The following BSDC1 variants were observed in gnomAD, a reference collection of about 807,000 sequenced individuals.
BSDC1 encodes BSD domain-containing protein 1.
A neutral mutation model predicts 56.0 loss-of-function variants in BSDC1; 29 were observed. That is an observed-to-expected ratio of 0.52 (90% confidence interval 0.39 to 0.71). The LOEUF is 0.71. Among genes scored for constraint, BSDC1 ranks in the 30% least tolerant of loss-of-function variants. BSDC1 has a pLI of 0.00. For synonymous variants in BSDC1, 210 were observed against 215.3 expected, an observed-to-expected ratio of 0.98 and a Z score of 0.21; for missense variants, 477 against 548.5, an observed-to-expected ratio of 0.87 and a Z score of 1.30.
chr1:32,394,384 G>T lies in BSDC1; in HGVS notation c.11+20C>A, dbSNP rs775462686. On this transcript the variant is annotated intron_variant, in intron 1 of 10. Coordinates refer to ENST00000455895, the MANE Select transcript of BSDC1 (RefSeq NM_018045.8). ...GGAGAATTCAGGCCCCAACGCCTAG[G>T]AGCAAAACGACAAGCTCACCCTTCC... 6 of 1,614,016 alleles carry T rather than the reference G, an allele frequency of 3.7e-6. No homozygotes were observed. Among genetic ancestry groups the T allele is most frequent in the Non-Finnish European group, 5.1e-6 (6 of 1,180,010 alleles).
Position 32,376,526 on chromosome 1 carries a change from C to A in BSDC1, c.892G>T (p.Ala298Ser). The change falls in exon 9 of 11, where the codon GCA becomes TCA. Residue 298 changes from alanine (A) to serine (S), a missense_variant. Coordinates refer to ENST00000455895, the MANE Select transcript of BSDC1 (RefSeq NM_018045.8). ...QIANPATAPE[A>S]RVLPKDLSQK... ...GACAGGTCCTTGGGTAGCACTCGTGCCTCAGGTGCAGTGGCCGGGTTGGCG... is the reference window on the plus strand; with the variant it reads ...GACAGGTCCTTGGGTAGCACTCGTGACTCAGGTGCAGTGGCCGGGTTGGCG... 2.5e-6 allele frequency: 4 copies of A among 1,580,622 alleles called. No homozygotes were observed. The highest frequency in any genetic ancestry group is 3.5e-6 in the Non-Finnish European group (4 of 1,157,494).
intron 10 of BSDC1, chr1:32,367,512 C>A (rs1388520079): frequency 1.0e-6 from 1 of 985,304 alleles, no homozygotes; most frequent in African/African-American, 1.7e-5. Flanking sequence ...CTGTCCACCT[C>A]TTTCTAACAG....
intron 2 of BSDC1, 142 bp from the exon 3 acceptor site, chr1:32,387,037 G>A (rs1025615121): frequency 4.5e-6 from 3 of 659,566 alleles, no homozygotes; most frequent in Non-Finnish European, 8.0e-6. Context: ...ATGCTCATTT[G>A]TCCCAATTCC....
intron 9 of BSDC1, among the ~76,000 whole-genome samples, chr1:32,370,728 C>T (rs183525683): frequency 5.6e-4 from 83 of 147,410 alleles, no homozygotes; most frequent in African/African-American, 1.9e-3. Flanking sequence ...CGCTTGAACC[C>T]GGGAGGCAGA....
At chr1:32,393,544 G>A (rs942972113) in intron 2 of BSDC1, 1 of 153,798 alleles carries the variant, frequency 6.5e-6, no homozygotes, top group African/African-American at 2.4e-5. Flanking sequence ...TCCTTTCACA[G>A]AACTTACCAC....
intron 3 of BSDC1, chr1:32,386,495 TTC>T: frequency 3.1e-6 from 1 of 322,430 alleles, no homozygotes; most frequent in South Asian, 4.0e-5. Context: ...TTCTCATTCT[TTC>T]TCTTTTCTTT....
intron 8 of BSDC1, among the ~76,000 whole-genome samples, chr1:32,377,619 G>T (rs1366301341): frequency 6.6e-6 from 1 of 152,146 alleles, no homozygotes; most frequent in Non-Finnish European, 1.5e-5. Context: ...TATTACCAGG[G>T]AACTTGTTTA....
intron 2 of BSDC1, among the ~76,000 whole-genome samples, chr1:32,389,468 G>A (rs2148142577): frequency 6.6e-6 from 1 of 152,308 alleles, no homozygotes; most frequent in African/African-American, 2.4e-5. Context: ...GCTAGACTGT[G>A]AGCTCTGAGC....
At chr1:32,370,785 CAG>C (rs1452108855) in intron 9 of BSDC1, among the ~76,000 whole-genome samples, 1 of 109,574 alleles carries the variant, frequency 9.1e-6, no homozygotes, top group Admixed American at 1.5e-4. Flanking sequence ...GCCTGGGTGA[CAG>C]AGTGAGACTC....
chr1:32,388,870 G>A (rs994715417), intron 2 of BSDC1, among the ~76,000 whole-genome samples: 2 of 151,866 alleles, frequency 1.3e-5, no homozygotes, highest in Non-Finnish European at 2.9e-5. Flanking sequence ...CATCCTCAAC[G>A]TCTATGCTTC....
Position 32,378,663 on chromosome 1 carries a change from C to T in BSDC1, c.528+61G>A. 1 of 1,186,294 alleles carries T rather than the reference C, an allele frequency of 8.4e-7. No individual in the cohort carries two copies. 73.5% of individuals were successfully genotyped at this position (1,186,294 alleles called of 1,614,324 possible). On this transcript the variant is annotated intron_variant, in intron 6 of 10. Coordinates refer to ENST00000455895, the MANE Select transcript of BSDC1 (RefSeq NM_018045.8). The surrounding 1 kb of genome is among the most constrained non-coding windows in gnomAD (Gnocchi z 5.2). The stretch of plus-strand genomic sequence containing the variant: ...CTCTGCAGTGACTCTGAACATGTCC[C>T]TCCCACCTCCCAACACCTCAAGCCT...
chr1:32,386,827 C>T lies in BSDC1; in HGVS notation c.141G>A (p.Thr47=), dbSNP rs543967157. 1.3e-5 allele frequency: 21 copies of T among 1,612,526 alleles called. No individual in the cohort carries two copies. The highest frequency in any genetic ancestry group is 9.3e-5 in the African/African-American group (7 of 74,980). ...TEFTQVVQHD[T]ACTIAATASV... ...TGGCCGTGGCTGCGATGGTACAGGC[C>T]GTGTCATGCTGCACCACCTGGGTAA... Residue 47 remains threonine (T), a synonymous_variant, in exon 3 of 11, where the codon ACG becomes ACA. Coordinates refer to ENST00000455895, the MANE Select transcript of BSDC1 (RefSeq NM_018045.8).
chr1:32,385,348 G>A (rs1323632755), intron 3 of BSDC1, among the ~76,000 whole-genome samples: 1 of 152,110 alleles, frequency 6.6e-6, no homozygotes, highest in Non-Finnish European at 1.5e-5. Context: ...TCGGTGATGG[G>A]TTCATTAAAA....
At chr1:32,377,069 G>A (rs1307697715) in intron 8 of BSDC1, among the ~76,000 whole-genome samples, 1 of 152,178 alleles carries the variant, frequency 6.6e-6, no homozygotes, top group Admixed American at 6.5e-5. Context: ...CCGGGAGGCG[G>A]TGGTTGCAGT....
In BSDC1 at chr1:32,389,103, C is replaced by T. The variant is rs574795906; in HGVS notation, c.73-2208G>A. Among the ~76,000 whole-genome samples the T allele has an allele frequency of 1.3e-3, 193 of 152,060 alleles. 1 individual carries two copies. The highest frequency in any genetic ancestry group is 4.3e-3 in the African/African-American group (178 of 41,490). ...CCGAGTAGCTGGGACTACAGGCGCC[C>T]GCCACCAAGCCCAGCTAATTTTTTG... On this transcript the variant is annotated intron_variant, in intron 2 of 10. Transcript: ENST00000455895.
At position 32,365,676 on chromosome 1, in the gene BSDC1, C is replaced by A. The variant is rs540940091; in HGVS notation, c.*946G>T. 6.5e-6 allele frequency: 1 copy of A among 152,728 alleles called. No homozygotes were observed. Among genetic ancestry groups the A allele is most frequent in the South Asian group, 2.1e-4 (1 of 4,824 alleles). 9.5% of individuals were successfully genotyped at this position (152,728 alleles called of 1,614,324 possible). A position where few individuals can be genotyped will look rare whatever the true frequency, so the allele number is the denominator to read the frequency against. ...GTTTCAAGTTCACCCCCAGGATAGC[C>A]CTTCCAGAAGCAGAAGGGCTGAGGC... On this transcript the variant is annotated 3_prime_UTR_variant, in exon 11 of 11. Transcript: ENST00000455895.
intron 9 of BSDC1, chr1:32,369,167 G>C (rs1364479890): frequency 1.2e-6 from 1 of 820,046 alleles, no homozygotes; most frequent in African/African-American, 1.8e-5. Context: ...GAACACTGTA[G>C]GCTGTTAGAG....
intron 4 of BSDC1, among the ~76,000 whole-genome samples, chr1:32,382,308 C>T (rs902840059): frequency 6.7e-6 from 1 of 150,146 alleles, no homozygotes; most frequent in Non-Finnish European, 1.5e-5. Context: ...CCTATTTCTA[C>T]AAGCATAAAA....
chr1:32,394,030 G>A (rs1180232761), intron 2 of BSDC1, 50 bp downstream of exon 2: 1 of 1,574,350 alleles, frequency 6.4e-7, no homozygotes, highest in South Asian at 1.2e-5. Flanking sequence ...AGGTTGCATT[G>A]AGGCGGCGCA....
Sources: allele counts gnomAD v4.1 joint callset (sites outside exome capture counted in the v4.1 genomes callset), GRCh38; gene constraint gnomAD v4.1.1; non-coding constraint Gnocchi (gnomAD v3.1); transcripts MANE v1.5; gene names NCBI Gene and HGNC (gene_info 2026-07-23, HGNC 2026-07-21).